QKI: variants seen among roughly 807,000 people sequenced by gnomAD.
QKI encodes the protein KH domain-containing RNA-binding protein QKI.
QKI carries 10 observed loss-of-function variants against 39.0 expected under a neutral mutation model. The observed-to-expected ratio is 0.26, with a 90% confidence interval of 0.16 to 0.43. The LOEUF (loss-of-function observed/expected upper bound fraction) is 0.43. QKI is among the 20% of genes least tolerant of loss of function. The pLI is 1.00. For synonymous variants in QKI, 204 were observed against 155.4 expected (o/e 1.31, Z -2.33); for missense variants, 218 against 428.0 (o/e 0.51, Z 4.33).
rs1288935278 is a variant in QKI, at chr6:163,572,408, A to C, written c.*1698A>C. ...ATCACATGTCTTTATATCATACCAG[A>C]TAACTGGTGTAGTGTATCCTTTTAC... On this transcript the variant is annotated 3_prime_UTR_variant, in exon 8 of 8. Coordinates refer to ENST00000361752, the MANE Select transcript of QKI (RefSeq NM_006775.3). 7 of 152,206 alleles carry C rather than the reference A, an allele frequency of 4.6e-5. No individual in the cohort carries two copies. The highest frequency in any genetic ancestry group is 1.7e-4 in the African/African-American group (7 of 41,460). The allele number at this position is 152,206 out of a possible 1,614,324, so 9.4% of individuals were successfully genotyped here.
chr6:163,567,841 ATCT>A (rs1433251742), intron 7 of QKI: 59 of 985,018 alleles, frequency 6.0e-5, no homozygotes, highest in Non-Finnish European at 6.5e-5. Context: ...TCAATTGTAC[ATCT>A]TCTATGAATT....
At chr6:163,452,472 T>C (rs1360367661) in intron 1 of QKI, among the ~76,000 whole-genome samples, 1 of 152,192 alleles carries the variant, frequency 6.6e-6, no homozygotes, top group Non-Finnish European at 1.5e-5. Flanking sequence ...ATGACTTGTT[T>C]AACTTTAATG....
intron 7 of QKI, chr6:163,570,384 T>TA (rs1242656432): frequency 1.0e-6 from 1 of 983,452 alleles, no homozygotes; most frequent in Non-Finnish European, 1.2e-6. Flanking sequence ...TTTCCTTCAT[T>TA]GACTGCTACT....
At chr6:163,556,646 C>T (rs879686017) in intron 4 of QKI, among the ~76,000 whole-genome samples, 1 of 152,020 alleles carries the variant, frequency 6.6e-6, no homozygotes, top group Admixed American at 6.6e-5. Context: ...TCCAGAAGTT[C>T]AGAAAACTGT....
chr6:163,550,497 C>A (rs150644117), intron 4 of QKI, among the ~76,000 whole-genome samples: 1 of 152,246 alleles, frequency 6.6e-6, no homozygotes, highest in East Asian at 1.9e-4. Flanking sequence ...TGGGGGGAAG[C>A]TATGTGGCTA....
intron 4 of QKI, among the ~76,000 whole-genome samples, chr6:163,550,419 G>A (rs1203379388): frequency 1.3e-5 from 2 of 152,132 alleles, no homozygotes; most frequent in Non-Finnish European, 2.9e-5. Context: ...TTTTGGAGGG[G>A]ACATTTAAAC....
chr6:163,529,651 A>G (rs753562178), intron 3 of QKI, among the ~76,000 whole-genome samples: 2 of 152,218 alleles, frequency 1.3e-5, no homozygotes, highest in African/African-American at 4.8e-5. Context: ...GGCCAGTAAT[A>G]CAGCATGGAG....
At chr6:163,506,478 A>T (rs1779100935) in intron 3 of QKI, among the ~76,000 whole-genome samples, 1 of 152,206 alleles carries the variant, frequency 6.6e-6, no homozygotes, top group Non-Finnish European at 1.5e-5. Context: ...ATACCCTTTT[A>T]CATCACATGA....
intron 3 of QKI, among the ~76,000 whole-genome samples, chr6:163,488,970 T>TTTC (rs1301340156): frequency 9.0e-6 from 1 of 110,898 alleles, no homozygotes; most frequent in East Asian, 2.9e-4. Context: ...TATCCTTCCA[T>TTTC]TTCTTTTTTT....
intron 4 of QKI, among the ~76,000 whole-genome samples, chr6:163,544,619 G>A (rs1288957186): frequency 1.3e-5 from 2 of 152,024 alleles, no homozygotes; most frequent in African/African-American, 2.4e-5. Flanking sequence ...AAAAACACCC[G>A]AAGTACAATT....
chr6:163,446,181 T>G (rs1224654525), intron 1 of QKI, among the ~76,000 whole-genome samples: 1 of 152,210 alleles, frequency 6.6e-6, no homozygotes, highest in Non-Finnish European at 1.5e-5. Flanking sequence ...TTGTATTTAT[T>G]TATTCAGTTA....
At chr6:163,510,041 C>G (rs755710153) in intron 3 of QKI, among the ~76,000 whole-genome samples, 10 of 151,808 alleles carry the variant, frequency 6.6e-5, no homozygotes, top group Non-Finnish European at 1.2e-4. Context: ...ATGTTGAAAC[C>G]CCATGTCTAC....
At chr6:163,422,698 C>T (rs542777849) in intron 1 of QKI, among the ~76,000 whole-genome samples, 6 of 152,202 alleles carry the variant, frequency 3.9e-5, no homozygotes, top group Non-Finnish European at 8.8e-5. Flanking sequence ...TAAGTGAAGA[C>T]ATGCAGTGAA....
intron 3 of QKI, among the ~76,000 whole-genome samples, chr6:163,534,520 AC>A (rs1781072892): frequency 6.6e-6 from 1 of 152,214 alleles, no homozygotes; most frequent in Admixed American, 6.5e-5. Context: ...TCCTAAATTG[AC>A]AGCCTGTTAG....
At chr6:163,486,760 G>A (rs1316334632) in intron 3 of QKI, among the ~76,000 whole-genome samples, 1 of 151,710 alleles carries the variant, frequency 6.6e-6, no homozygotes, top group Non-Finnish European at 1.5e-5. Context: ...ATATGTACAC[G>A]TATGGTATAT....
Position 163,512,593 on chromosome 6 carries a change from A to C in QKI, c.403-22389A>C, listed in dbSNP as rs1013299053. Among the ~76,000 whole-genome samples, 8 of 152,144 alleles carry C rather than the reference A, an allele frequency of 5.3e-5. No homozygotes were observed. In the East Asian group the frequency reaches 1.5e-3, roughly 29 times the overall value. ...CCTAATAACTGATAAAGAGACAAAA[A>C]CTCAGTAAGAATAGAGATGGTCTGA... On this transcript the variant is annotated intron_variant, in intron 3 of 7. Coordinates refer to ENST00000361752, the MANE Select transcript of QKI (RefSeq NM_006775.3).
chr6:163,567,245 A>C (rs1323682282), intron 7 of QKI: 1 of 987,224 alleles, frequency 1.0e-6, no homozygotes, highest in South Asian at 4.7e-5. Context: ...CTGAAGATTT[A>C]GTTTCCATTT....
At chr6:163,420,085 C>T (rs925813702) in intron 1 of QKI, among the ~76,000 whole-genome samples, 2 of 151,064 alleles carry the variant, frequency 1.3e-5, no homozygotes, top group Non-Finnish European at 2.9e-5. Flanking sequence ...TGGCCTTCAC[C>T]GAAGCATGAT....
chr6:163,510,964 A>G (rs1294508996), intron 3 of QKI, among the ~76,000 whole-genome samples: 1 of 152,196 alleles, frequency 6.6e-6, no homozygotes, highest in Non-Finnish European at 1.5e-5. Context: ...TCTTACAGCT[A>G]GAGAATTCTC....
Sources: allele counts gnomAD v4.1 joint callset (sites outside exome capture counted in the v4.1 genomes callset), GRCh38; gene constraint gnomAD v4.1.1; transcripts MANE v1.5; gene names NCBI Gene and HGNC (gene_info 2026-07-23, HGNC 2026-07-21).